The following RIMS1 variants were observed in gnomAD, a reference collection of about 807,000 sequenced individuals.
RIMS1 encodes the protein regulating synaptic membrane exocytosis 1.
RIMS1 carries 83 observed loss-of-function variants against 214.1 expected under a neutral mutation model. That is an observed-to-expected ratio of 0.39 (90% CI 0.32 to 0.47). RIMS1 has a LOEUF of 0.47. Among genes scored for constraint, RIMS1 ranks in the 20% least tolerant of loss-of-function variants. RIMS1 has a pLI of 0.99. For synonymous variants in RIMS1, 793 were observed against 786.8 expected, an observed-to-expected ratio of 1.01 and a Z score of -0.13; for missense variants, 2,050 against 2,161.8, an observed-to-expected ratio of 0.95 and a Z score of 1.03.
intron 1 of RIMS1, among the ~76,000 whole-genome samples, chr6:71,946,112 A>C (rs1166913704): frequency 6.6e-6 from 1 of 152,206 alleles, no homozygotes; most frequent in Admixed American, 6.5e-5. Flanking sequence ...TTTAACCAAG[A>C]AGGTGAAAGA....
At chr6:72,011,240 A>G (rs1174158089) in intron 2 of RIMS1, among the ~76,000 whole-genome samples, 1 of 152,214 alleles carries the variant, frequency 6.6e-6, no homozygotes, top group African/African-American at 2.4e-5. Context: ...AGGATTCCCT[A>G]TTTAATAAAT....
intron 26 of RIMS1, among the ~76,000 whole-genome samples, chr6:72,298,762 C>A (rs1252027715): frequency 6.6e-6 from 1 of 151,914 alleles, no homozygotes; most frequent in Non-Finnish European, 1.5e-5. Flanking sequence ...CACTTAGTTT[C>A]TCCTCCCTTT....
chr6:72,397,667 C>A (rs1564887174), intron 31 of RIMS1, among the ~76,000 whole-genome samples: 1 of 152,170 alleles, frequency 6.6e-6, no homozygotes, highest in Non-Finnish European at 1.5e-5. Context: ...ACATACACTG[C>A]ACTATAAAAT....
intron 2 of RIMS1, among the ~76,000 whole-genome samples, chr6:72,074,850 G>A (rs1831413493): frequency 6.6e-6 from 1 of 152,146 alleles, no homozygotes; most frequent in South Asian, 2.1e-4. Context: ...ATTAACATAA[G>A]CAAATATCCA....
At position 72,183,165 on chromosome 6, in the gene RIMS1, C is replaced by T. The variant is rs2153970814; in HGVS notation, c.1678+16C>T. 2 of 1,583,746 alleles carry T rather than the reference C, an allele frequency of 1.3e-6. No individual in the cohort carries two copies. Among genetic ancestry groups the T allele is most frequent in the Middle Eastern group, 1.7e-4 (1 of 5,952 alleles). On this transcript the variant is annotated intron_variant, in intron 6 of 33. Coordinates refer to ENST00000521978, the MANE Select transcript of RIMS1 (RefSeq NM_014989.7). ...AGCGAGAAAGGTAAGGGGGCGGCGC[C>T]GGCCGTGCGGGGACTTCAGCCAAGT...
intron 2 of RIMS1, among the ~76,000 whole-genome samples, chr6:71,995,522 TTGTGTGTG>T (rs567610596): frequency 6.7e-6 from 1 of 148,632 alleles, no homozygotes; most frequent in Non-Finnish European, 1.5e-5. Flanking sequence ...TTGTGTTTGT[TTGTGTGTG>T]TGTGTTTACT....
chr6:71,935,913 G>A (rs1784293638), intron 1 of RIMS1, among the ~76,000 whole-genome samples: 1 of 152,258 alleles, frequency 6.6e-6, no homozygotes, highest in East Asian at 1.9e-4. Context: ...CTGAAAGTAT[G>A]AACTATTGAA....
At chr6:72,370,045 T>C (rs1438139753) in intron 29 of RIMS1, among the ~76,000 whole-genome samples, 2 of 152,184 alleles carry the variant, frequency 1.3e-5, no homozygotes, top group Admixed American at 6.5e-5. Flanking sequence ...GGAAAAAGAT[T>C]AAAGAGCTAA....
At chr6:72,203,938 A>G (rs1037424311) in intron 6 of RIMS1, among the ~76,000 whole-genome samples, 4 of 152,194 alleles carry the variant, frequency 2.6e-5, no homozygotes, top group East Asian at 1.9e-4. Context: ...TTTTGGTATC[A>G]TAAGATGAGC....
intron 2 of RIMS1, among the ~76,000 whole-genome samples, chr6:72,044,580 A>T (rs1238557879): frequency 6.6e-6 from 1 of 151,940 alleles, no homozygotes; most frequent in Non-Finnish European, 1.5e-5. Flanking sequence ...TTCAAAGATG[A>T]TCATGGCAAA....
intron 28 of RIMS1, among the ~76,000 whole-genome samples, chr6:72,316,351 T>G (rs2095797405): frequency 6.6e-6 from 1 of 152,112 alleles, no homozygotes; most frequent in Admixed American, 6.5e-5. Context: ...TATTCCAGGC[T>G]CAGCCCTGCT....
chr6:72,271,703 A>G (rs1218009289), intron 22 of RIMS1, among the ~76,000 whole-genome samples: 4 of 152,158 alleles, frequency 2.6e-5, no homozygotes, highest in African/African-American at 4.8e-5. Flanking sequence ...AGGCCTATCA[A>G]TTCTCAATCC....
chr6:72,388,606 A>G (rs903691413), intron 29 of RIMS1, among the ~76,000 whole-genome samples: 4 of 152,208 alleles, frequency 2.6e-5, no homozygotes, highest in Non-Finnish European at 5.9e-5. Flanking sequence ...CTGTACGGGT[A>G]TGGCACTGCT....
chr6:71,916,660 C>T (rs577825064), intron 1 of RIMS1, among the ~76,000 whole-genome samples: 90 of 152,002 alleles, frequency 5.9e-4, no homozygotes, highest in Non-Finnish European at 1.0e-3. Flanking sequence ...TATAGCGAAC[C>T]GGAATACTTT....
At chr6:72,012,629 C>G (rs185684945) in intron 2 of RIMS1, among the ~76,000 whole-genome samples, 1 of 152,066 alleles carries the variant, frequency 6.6e-6, no homozygotes, top group African/African-American at 2.4e-5. Flanking sequence ...ATGCTGGGAC[C>G]TAAGAGGACC....
At chr6:72,145,463 T>C (rs1434795406) in intron 4 of RIMS1, among the ~76,000 whole-genome samples, 1 of 151,992 alleles carries the variant, frequency 6.6e-6, no homozygotes, top group African/African-American at 2.4e-5. Context: ...AATACAAAAA[T>C]TAGCTGGGCC....
chr6:72,357,058 C>A (rs1014955088), intron 29 of RIMS1, among the ~76,000 whole-genome samples: 1 of 152,076 alleles, frequency 6.6e-6, no homozygotes, highest in Admixed American at 6.6e-5. Context: ...AGCTAAATAC[C>A]ACAGATATCA....
At chr6:72,232,879 A>G (rs752583099) in intron 6 of RIMS1, among the ~76,000 whole-genome samples, 50 of 151,956 alleles carry the variant, frequency 3.3e-4, no homozygotes, top group Non-Finnish European at 6.8e-4. Context: ...TCAACCAAGC[A>G]TATTTTCCCA....
chr6:72,188,121 A>G (rs2049434848), intron 6 of RIMS1, among the ~76,000 whole-genome samples: 1 of 152,228 alleles, frequency 6.6e-6, no homozygotes. Flanking sequence ...GTTCCTGTGC[A>G]GATTGAGTGT....
Sources: allele counts gnomAD v4.1 joint callset (sites outside exome capture counted in the v4.1 genomes callset), GRCh38; gene constraint gnomAD v4.1.1; transcripts MANE v1.5; gene names NCBI Gene and HGNC (gene_info 2026-07-23, HGNC 2026-07-21).